The following ERBB4 variants were observed in gnomAD, a reference collection of about 807,000 sequenced individuals.
ERBB4 encodes receptor tyrosine-protein kinase erbB-4.
In ERBB4, 42 loss-of-function variants were observed where a neutral mutation model predicts 158.0. That is an observed-to-expected ratio of 0.27 (90% CI 0.21 to 0.34). The LOEUF (loss-of-function observed/expected upper bound fraction) is 0.34. Among genes scored for constraint, ERBB4 ranks in the 10% least tolerant of loss-of-function variants. ERBB4 has a pLI of 1.00. For missense variants in ERBB4, 1,333 were observed against 1,624.1 expected (o/e 0.82, Z 3.08); for synonymous variants, 583 against 558.7 (o/e 1.04, Z -0.61).
At chr2:212,399,412 ACTTT>A (rs2091125980) in intron 1 of ERBB4, among the ~76,000 whole-genome samples, 1 of 151,604 alleles carries the variant, frequency 6.6e-6, no homozygotes, top group Non-Finnish European at 1.5e-5. Context: ...GGGGTTATTT[ACTTT>A]AACATTTGTT....
intron 20 of ERBB4, among the ~76,000 whole-genome samples, chr2:211,546,348 C>T (rs1332110142): frequency 6.6e-6 from 1 of 151,982 alleles, no homozygotes; most frequent in Non-Finnish European, 1.5e-5. Context: ...TGCATGTGTA[C>T]ACATATACAC....
At chr2:212,203,289 G>C (rs1000509609) in intron 1 of ERBB4, among the ~76,000 whole-genome samples, 1 of 152,074 alleles carries the variant, frequency 6.6e-6, no homozygotes, top group Non-Finnish European at 1.5e-5. Context: ...TAGCTATACA[G>C]GTGTAAGAGG....
At chr2:212,274,717 G>T (rs963942151) in intron 1 of ERBB4, among the ~76,000 whole-genome samples, 1 of 151,700 alleles carries the variant, frequency 6.6e-6, no homozygotes, top group African/African-American at 2.4e-5. Context: ...GGCCATAAAT[G>T]AGAAAATAAA....
intron 2 of ERBB4, among the ~76,000 whole-genome samples, chr2:211,992,356 C>T (rs925804971): frequency 6.6e-6 from 1 of 152,024 alleles, no homozygotes; most frequent in Non-Finnish European, 1.5e-5. Context: ...CCCATCAGAT[C>T]TCATGAGACT....
At chr2:211,412,135 G>A (rs2063275703) in intron 25 of ERBB4, among the ~76,000 whole-genome samples, 1 of 151,862 alleles carries the variant, frequency 6.6e-6, no homozygotes, top group Admixed American at 6.6e-5. Context: ...ATAATTTAAT[G>A]AGGAGCAAGA....
At chr2:211,454,927 A>G (rs1214831291) in intron 20 of ERBB4, among the ~76,000 whole-genome samples, 2 of 152,234 alleles carry the variant, frequency 1.3e-5, no homozygotes, top group African/African-American at 4.8e-5. Flanking sequence ...GCCGGCACAC[A>G]GGATGTGCTG....
intron 3 of ERBB4, among the ~76,000 whole-genome samples, chr2:211,838,950 A>T (rs2077401797): frequency 6.6e-6 from 1 of 152,142 alleles, no homozygotes; most frequent in African/African-American, 2.4e-5. Flanking sequence ...ACAGCAAGAA[A>T]AAAGAAAAGC....
At chr2:211,494,009 G>A (rs2065408988) in intron 20 of ERBB4, among the ~76,000 whole-genome samples, 1 of 151,956 alleles carries the variant, frequency 6.6e-6, no homozygotes, top group Non-Finnish European at 1.5e-5. Flanking sequence ...GTCAATTTTG[G>A]GCTACCCAGC....
chr2:211,553,785 G>A (rs937394154), intron 20 of ERBB4, among the ~76,000 whole-genome samples: 1 of 152,074 alleles, frequency 6.6e-6, no homozygotes, highest in Non-Finnish European at 1.5e-5. Flanking sequence ...GAATCTGTAG[G>A]CTAAACACAA....
At chr2:211,890,476 A>T (rs559483903) in intron 3 of ERBB4, among the ~76,000 whole-genome samples, 1 of 152,170 alleles carries the variant, frequency 6.6e-6, no homozygotes, top group South Asian at 2.1e-4. Flanking sequence ...GACCATCGAG[A>T]CTAGGAAGAA....
chr2:211,949,007 A>G (rs1025365143), intron 2 of ERBB4, among the ~76,000 whole-genome samples: 1 of 152,048 alleles, frequency 6.6e-6, no homozygotes, highest in Non-Finnish European at 1.5e-5. Context: ...AGTTCAGGTT[A>G]TTCCATCTTT....
intron 1 of ERBB4, among the ~76,000 whole-genome samples, chr2:212,186,328 G>A (rs2082016424): frequency 1.3e-5 from 2 of 152,148 alleles, no homozygotes; most frequent in Non-Finnish European, 2.9e-5. Context: ...TGGTTTAAGT[G>A]TTCTGTGTGA....
At chr2:211,809,481 G>A (rs2076698780) in intron 3 of ERBB4, among the ~76,000 whole-genome samples, 1 of 152,160 alleles carries the variant, frequency 6.6e-6, no homozygotes, top group Non-Finnish European at 1.5e-5. Context: ...TTGCATAGAG[G>A]TGTTTATAGT....
intron 20 of ERBB4, among the ~76,000 whole-genome samples, chr2:211,440,064 C>A (rs750712803): frequency 6.6e-6 from 1 of 152,182 alleles, no homozygotes; most frequent in Non-Finnish European, 1.5e-5. Flanking sequence ...TAAATGAAAT[C>A]AAAAACAAAA....
intron 9 of ERBB4, 88 bp downstream of exon 9, chr2:211,711,962 C>T: frequency 8.6e-7 from 1 of 1,159,456 alleles, no homozygotes; most frequent in Non-Finnish European, 1.3e-6. Flanking sequence ...TCTTCAGCTT[C>T]CAGAGGAATC....
intron 2 of ERBB4, among the ~76,000 whole-genome samples, chr2:211,987,002 AC>A (rs2081954049): frequency 6.6e-6 from 1 of 152,190 alleles, no homozygotes; most frequent in Non-Finnish European, 1.5e-5. Context: ...AATGTAAGAT[AC>A]TAGTTCCAGT....
intron 1 of ERBB4, among the ~76,000 whole-genome samples, chr2:212,530,628 T>C (rs1248615045): frequency 2.6e-5 from 4 of 152,136 alleles, no homozygotes; most frequent in Non-Finnish European, 5.9e-5. Flanking sequence ...GAATCTGTTG[T>C]CAATTATTTT....
At chr2:211,621,989 G>A (rs911831384) in intron 18 of ERBB4, among the ~76,000 whole-genome samples, 4 of 152,050 alleles carry the variant, frequency 2.6e-5, no homozygotes, top group African/African-American at 7.2e-5. Flanking sequence ...GAAAAATCCT[G>A]CAATCAATCA....
At chr2:211,925,281 A>G (rs1053698353) in intron 3 of ERBB4, among the ~76,000 whole-genome samples, 12 of 151,556 alleles carry the variant, frequency 7.9e-5, no homozygotes, top group Admixed American at 2.0e-4. Flanking sequence ...ATAATTTAGC[A>G]TTTTTGTCAA....
Sources: gnomAD v4.1 joint callset for allele counts (sites outside exome capture counted in the v4.1 genomes callset) on GRCh38, gnomAD v4.1.1 for gene constraint, MANE v1.5 for transcripts, NCBI Gene and HGNC (gene_info 2026-07-23, HGNC 2026-07-21) for gene names.